Variants in ELP4 observed in about 807,000 individuals in gnomAD.
ELP4 encodes elongator acetyltransferase complex subunit 4.
In ELP4, 51 loss-of-function variants were observed where a neutral mutation model predicts 48.9. The ratio of observed to expected loss-of-function variants is 1.04; its 90% confidence interval spans 0.83 to 1.32. The LOEUF is 1.32. Ranked by LOEUF, ELP4 falls within the 40% of genes most tolerant of loss-of-function variation. ELP4 has a pLI of 0.00. For synonymous variants in ELP4, 210 were observed against 189.2 expected, an observed-to-expected ratio of 1.11 and a Z score of -0.90; for missense variants, 519 against 514.6, an observed-to-expected ratio of 1.01 and a Z score of -0.08.
chr11:31,563,235 A>G (rs1957050490), intron 3 of ELP4, among the ~76,000 whole-genome samples: 1 of 152,178 alleles, frequency 6.6e-6, no homozygotes, highest in South Asian at 2.1e-4. Context: ...ATTGTAAAAT[A>G]GCTTAGAGAG....
chr11:31,639,607 AT>A (rs1945049145), intron 7 of ELP4, among the ~76,000 whole-genome samples: 1 of 151,964 alleles, frequency 6.6e-6, no homozygotes, highest in African/African-American at 2.4e-5. Context: ...TAAATTATCT[AT>A]AAAGTTCTGT....
intron 5 of ELP4, among the ~76,000 whole-genome samples, chr11:31,609,380 A>G (rs767541446): frequency 1.3e-5 from 2 of 152,066 alleles, no homozygotes; most frequent in South Asian, 2.1e-4. Flanking sequence ...TTAAGTTTGC[A>G]CCATATGTTA....
intron 9 of ELP4, among the ~76,000 whole-genome samples, chr11:31,676,270 T>G (rs1276750554): frequency 1.3e-5 from 2 of 152,198 alleles, no homozygotes; most frequent in African/African-American, 4.8e-5. Flanking sequence ...AAATATTTGT[T>G]CATATATCAC....
Position 31,789,598 on chromosome 11 carries a change from C to A in ELP4, c.*6074C>A. ...TTTTTAAAAAAAAAAAAAACAACTT[C>A]ATGACCAACACAGATCAAACATCCA... is the stretch of plus-strand genomic sequence containing the variant. On this transcript the variant is annotated 3_prime_UTR_variant, in exon 10 of 10. Coordinates refer to ENST00000640961, the MANE Select transcript of ELP4 (RefSeq NM_019040.5). 3.3e-6 allele frequency: 2 copies of A among 599,668 alleles called. No homozygotes were observed. The highest frequency in any genetic ancestry group is 2.0e-5 in the South Asian group (1 of 48,888). The allele number at this position is 599,668 out of a possible 1,614,324, so 37.1% of individuals were successfully genotyped here. A position where few individuals can be genotyped will look rare whatever the true frequency, so the allele number is the denominator to read the frequency against.
At chr11:31,746,003 G>A (rs189481625) in intron 9 of ELP4, among the ~76,000 whole-genome samples, 2,991 of 152,138 alleles carry the variant, frequency 0.02, 96 homozygotes, top group African/African-American at 0.068. Flanking sequence ...CTGACAAAGG[G>A]CTGATATCCA....
At chr11:31,625,052 A>C (rs1339723231) in intron 5 of ELP4, among the ~76,000 whole-genome samples, 1 of 151,360 alleles carries the variant, frequency 6.6e-6, no homozygotes, top group African/African-American at 2.4e-5. Flanking sequence ...TAAAAGAAGT[A>C]TACTCTAACA....
At chr11:31,692,429 A>T (rs760168032) in intron 9 of ELP4, among the ~76,000 whole-genome samples, 5 of 152,200 alleles carry the variant, frequency 3.3e-5, no homozygotes, top group Admixed American at 6.6e-5. Flanking sequence ...CTGTTGCCCT[A>T]CTACTATAAA....
At chr11:31,640,422 G>C (rs1373550236) in intron 7 of ELP4, among the ~76,000 whole-genome samples, 3 of 151,826 alleles carry the variant, frequency 2.0e-5, no homozygotes, top group Non-Finnish European at 4.4e-5. Flanking sequence ...TTTTAATGTT[G>C]AGACCAAACA....
chr11:31,559,461 A>G (rs992085580), intron 3 of ELP4, among the ~76,000 whole-genome samples: 3 of 152,232 alleles, frequency 2.0e-5, no homozygotes, highest in Non-Finnish European at 4.4e-5. Flanking sequence ...TATTAAACTA[A>G]GAATAGATTT....
At chr11:31,699,349 G>C (rs1040135879) in intron 9 of ELP4, among the ~76,000 whole-genome samples, 2 of 152,024 alleles carry the variant, frequency 1.3e-5, no homozygotes, top group Non-Finnish European at 2.9e-5. Context: ...ATTCAAAGAG[G>C]TTCCTACTAG....
At chr11:31,761,088 C>G (rs572427286) in intron 9 of ELP4, among the ~76,000 whole-genome samples, 1 of 152,062 alleles carries the variant, frequency 6.6e-6, no homozygotes. Context: ...CAAGGCTGTT[C>G]GCGGTGGCTC....
chr11:31,787,723 T>C lies in ELP4; in HGVS notation c.*4199T>C. The stretch of plus-strand genomic sequence containing the variant: ...AAAAACTGCAACTTAGGAAGGTGTC[T>C]CCAAATGTGCAGCAACTCTGGTGGA... On this transcript the variant is annotated 3_prime_UTR_variant, in exon 10 of 10. Coordinates refer to ENST00000640961, the MANE Select transcript of ELP4 (RefSeq NM_019040.5). 1 of 230,100 alleles carries C rather than the reference T, an allele frequency of 4.3e-6. No homozygotes were observed. Among genetic ancestry groups the C allele is most frequent in the East Asian group, 6.2e-5 (1 of 16,154 alleles). The allele number at this position is 230,100 out of a possible 1,614,324, so 14.3% of individuals were successfully genotyped here. A position where few individuals can be genotyped will look rare whatever the true frequency, so the allele number is the denominator to read the frequency against.
intron 2 of ELP4, among the ~76,000 whole-genome samples, chr11:31,533,348 G>C (rs1956432102): frequency 7.5e-6 from 1 of 134,222 alleles, no homozygotes; most frequent in Non-Finnish European, 1.6e-5. Flanking sequence ...CATCCGTGTT[G>C]CTGCAAAAGC....
At chr11:31,636,562 A>C (rs1160144935) in intron 7 of ELP4, among the ~76,000 whole-genome samples, 1 of 152,008 alleles carries the variant, frequency 6.6e-6, no homozygotes, top group Non-Finnish European at 1.5e-5. Flanking sequence ...GGGAAAGAAC[A>C]CATAGTTAAG....
chr11:31,587,730 C>T (rs1374999901), intron 3 of ELP4, among the ~76,000 whole-genome samples: 1 of 151,848 alleles, frequency 6.6e-6, no homozygotes, highest in African/African-American at 2.4e-5. Flanking sequence ...TAAGTGTAAA[C>T]TGGAAATGTT....
intron 9 of ELP4, among the ~76,000 whole-genome samples, chr11:31,766,549 A>G (rs1019543668): frequency 6.6e-6 from 1 of 152,096 alleles, no homozygotes; most frequent in Admixed American, 6.6e-5. Context: ...ATGATTTTAC[A>G]ACATGATCAA....
chr11:31,641,920 C>A (rs573504952), intron 7 of ELP4, among the ~76,000 whole-genome samples: 2 of 151,828 alleles, frequency 1.3e-5, no homozygotes, highest in African/African-American at 4.8e-5. Flanking sequence ...CAAGGCAGGG[C>A]GTGAGCTTTT....
At chr11:31,656,688 C>T (rs2061565145) in intron 9 of ELP4, among the ~76,000 whole-genome samples, 1 of 151,930 alleles carries the variant, frequency 6.6e-6, no homozygotes, top group African/African-American at 2.4e-5. Context: ...CATAAAGATA[C>T]CATGGTTACC....
chr11:31,671,193 T>C (rs940215995), intron 9 of ELP4, among the ~76,000 whole-genome samples: 10 of 152,168 alleles, frequency 6.6e-5, no homozygotes, highest in African/African-American at 2.4e-4. Flanking sequence ...CATAAAATGG[T>C]TTCTTTGCTT....
Sources: gnomAD v4.1 joint callset for allele counts (sites outside exome capture counted in the v4.1 genomes callset) on GRCh38, gnomAD v4.1.1 for gene constraint, MANE v1.5 for transcripts, NCBI Gene and HGNC (gene_info 2026-07-23, HGNC 2026-07-21) for gene names.